The following SBF2 variants were observed in gnomAD, a reference collection of about 807,000 sequenced individuals.
SBF2 encodes myotubularin-related protein 13.
SBF2 carries 112 observed loss-of-function variants against 225.2 expected under a neutral mutation model. That is an observed-to-expected ratio of 0.50 (90% CI 0.43 to 0.58). The LOEUF (loss-of-function observed/expected upper bound fraction) is 0.58, where lower values mean the gene tolerates loss of function less well. SBF2 is among the 20% of genes least tolerant of loss of function. The pLI is 0.00. For missense variants in SBF2, 1,996 were observed against 2,206.2 expected, an observed-to-expected ratio of 0.90 and a Z score of 1.91; for synonymous variants, 763 against 773.3, an observed-to-expected ratio of 0.99 and a Z score of 0.22.
intron 1 of SBF2, among the ~76,000 whole-genome samples, chr11:10,206,544 TGG>T (rs1957757342): frequency 6.6e-6 from 1 of 151,966 alleles, no homozygotes; most frequent in African/African-American, 2.4e-5. Flanking sequence ...ATGAATCAGA[TGG>T]AAGAATTATC....
intron 1 of SBF2, among the ~76,000 whole-genome samples, chr11:10,195,686 A>G (rs529479037): frequency 6.6e-6 from 1 of 152,322 alleles, no homozygotes; most frequent in Non-Finnish European, 1.5e-5. Context: ...TATGTTTAAA[A>G]TATAAATGGA....
In SBF2 at chr11:10,236,523, G is replaced by A. The variant is rs1170910040; in HGVS notation, c.56-42536C>T. 2.6e-5 allele frequency among the ~76,000 whole-genome samples: 4 copies of A among 152,064 alleles called. No individual in the cohort carries two copies. The South Asian group carries it at 6.2e-4, about 24-fold the overall frequency. ...TACCCAGGCTGGAGTGCAGTGGCGCGATCTCAGCTCGCTGCAACCTCCGCC... is the reference window on the plus strand; with the variant it reads ...TACCCAGGCTGGAGTGCAGTGGCGCAATCTCAGCTCGCTGCAACCTCCGCC... On this transcript the variant is annotated intron_variant, in intron 1 of 39. Coordinates refer to ENST00000256190, the MANE Select transcript of SBF2 (RefSeq NM_030962.4).
At chr11:10,047,518 GGCA>G (rs1427330792) in intron 2 of SBF2, among the ~76,000 whole-genome samples, 1 of 152,124 alleles carries the variant, frequency 6.6e-6, no homozygotes, top group Non-Finnish European at 1.5e-5. Context: ...AGAAGCCCCT[GGCA>G]TATAATCCAG....
rs11324232 is a variant in SBF2 at position 10,001,467 on chromosome 11, A to AG, written c.753-446dup. On this transcript the variant is annotated intron_variant, in intron 7 of 39. Coordinates refer to ENST00000256190, the MANE Select transcript of SBF2 (RefSeq NM_030962.4). Reference sequence around the variant, plus strand: ...GCATTCAATAAGAATGGCAAAAAAAAGGGGGGGGCCAATAATTACCTTATC... The same window carrying AG: ...GCATTCAATAAGAATGGCAAAAAAAAGGGGGGGGGCCAATAATTACCTTATC... Among the ~76,000 whole-genome samples the AG allele has an allele frequency of 4.9e-3, 746 of 151,474 alleles. 4 individuals are homozygous for AG. The highest frequency in any genetic ancestry group is 0.027 in the Middle Eastern group (8 of 292).
At chr11:10,253,542 C>T (rs1201098220) in intron 1 of SBF2, among the ~76,000 whole-genome samples, 2 of 152,246 alleles carry the variant, frequency 1.3e-5, no homozygotes, top group East Asian at 3.9e-4. Context: ...GGCAAAGAAT[C>T]TCTAAATCAC....
chr11:9,910,890 CAAAAA>C lies in SBF2; in HGVS notation c.1861-14884_1861-14880del, dbSNP rs68011518. Among the ~76,000 whole-genome samples, 3 of 93,596 alleles carry C rather than the reference CAAAAA, an allele frequency of 3.2e-5. 1 individual carries two copies. The highest frequency in any genetic ancestry group is 1.3e-4 in the African/African-American group (3 of 22,964). 61.4% of individuals were successfully genotyped at this position (93,596 alleles called of 152,430 possible). On this transcript the variant is annotated intron_variant, in intron 16 of 39. Transcript: ENST00000256190. ...GTGAAAACTTGTCTCTACTAAAATACAAAAAAAAAAAAAAAAAAATTAGCTGGGCA... is the reference window on the plus strand; with the variant it reads ...GTGAAAACTTGTCTCTACTAAAATACAAAAAAAAAAAAAATTAGCTGGGCA...
intron 18 of SBF2, among the ~76,000 whole-genome samples, chr11:9,857,254 T>C (rs1379383438): frequency 6.6e-6 from 1 of 152,212 alleles, no homozygotes; most frequent in Non-Finnish European, 1.5e-5. Context: ...GCAAAGCACC[T>C]TATAGCTTGT....
chr11:9,797,634 A>T (rs1853206329), intron 32 of SBF2, among the ~76,000 whole-genome samples: 1 of 152,246 alleles, frequency 6.6e-6, no homozygotes. Context: ...TGAAGGGATA[A>T]GAAATCATGG....
chr11:10,028,834 T>A (rs1949145040), intron 5 of SBF2, among the ~76,000 whole-genome samples: 1 of 151,994 alleles, frequency 6.6e-6, no homozygotes, highest in East Asian at 1.9e-4. Context: ...AATGTTAAAG[T>A]CAACAACTTT....
intron 17 of SBF2, among the ~76,000 whole-genome samples, chr11:9,861,218 T>C (rs1333019301): frequency 6.6e-6 from 1 of 152,156 alleles, no homozygotes; most frequent in Non-Finnish European, 1.5e-5. Flanking sequence ...CTTTCTTCTT[T>C]TTGGAGACAG....
intron 22 of SBF2, among the ~76,000 whole-genome samples, chr11:9,849,398 A>G (rs565545016): frequency 1.3e-5 from 2 of 152,348 alleles, no homozygotes; most frequent in South Asian, 2.1e-4. Flanking sequence ...AGCATTTTAC[A>G]TATAGACTAT....
intron 2 of SBF2, among the ~76,000 whole-genome samples, chr11:10,126,622 T>C (rs1052607361): frequency 1.3e-5 from 2 of 152,084 alleles, no homozygotes; most frequent in African/African-American, 2.4e-5. Context: ...TTATATTTAG[T>C]AAATAAATAC....
intron 34 of SBF2, 52 bp from the exon 35 acceptor site, chr11:9,789,394 GC>G (rs756387265): frequency 1.4e-6 from 2 of 1,396,118 alleles, no homozygotes; most frequent in Non-Finnish European, 2.0e-6. Context: ...AGTACCCCAA[GC>G]TCACTGTCAG....
At position 9,855,254 on chromosome 11, in the gene SBF2, T is replaced by C. The variant is rs182019129; in HGVS notation, c.2363+1204A>G. Among the ~76,000 whole-genome samples, 56 of 152,268 alleles carry C rather than the reference T, an allele frequency of 3.7e-4. 1 individual carries two copies. Among genetic ancestry groups the C allele is most frequent in the African/African-American group, 1.2e-3 (50 of 41,548 alleles). On this transcript the variant is annotated intron_variant, in intron 19 of 39. Transcript: ENST00000256190. ...TAAGAGATCTGTGCAGTTGACTGTATGGTGTGAAATGCTGATTCCAAGTTG... is the reference window on the plus strand; with the variant it reads ...TAAGAGATCTGTGCAGTTGACTGTACGGTGTGAAATGCTGATTCCAAGTTG...
At chr11:9,999,134 G>A (rs189680666) in intron 8 of SBF2, among the ~76,000 whole-genome samples, 31 of 152,232 alleles carry the variant, frequency 2.0e-4, no homozygotes, top group Non-Finnish European at 3.5e-4. Context: ...GATGAGTGAA[G>A]TTGTTATATT....
chr11:10,085,321 T>C (rs560645527), intron 2 of SBF2, among the ~76,000 whole-genome samples: 17 of 152,310 alleles, frequency 1.1e-4, no homozygotes, highest in Middle Eastern at 3.4e-3. Context: ...CTACCTTATA[T>C]GTCTTTTAGC....
intron 1 of SBF2, among the ~76,000 whole-genome samples, chr11:10,248,848 G>A (rs1419330800): frequency 1.3e-5 from 2 of 152,150 alleles, no homozygotes; most frequent in African/African-American, 4.8e-5. Flanking sequence ...GTAATCCTAG[G>A]GCTTTGGGAG....
intron 9 of SBF2, among the ~76,000 whole-genome samples, 167 bp from the exon 10 acceptor site, chr11:9,994,165 A>G (rs907809642): frequency 4.6e-5 from 7 of 152,192 alleles, no homozygotes; most frequent in Non-Finnish European, 1.0e-4. Flanking sequence ...AAGATCTCCA[A>G]GACAAAATAT....
At position 9,903,643 on chromosome 11, in the gene SBF2, G is replaced by A. The variant is rs139760832; in HGVS notation, c.1861-7632C>T. 5.3e-5 allele frequency among the ~76,000 whole-genome samples: 8 copies of A among 152,278 alleles called. No homozygotes were observed. In the East Asian group the frequency reaches 5.8e-4, roughly 11 times the overall value. On this transcript the variant is annotated intron_variant, in intron 16 of 39. Transcript: ENST00000256190. ...AATAATGCTTGGAAGAGACCCAAGCGGGCACGTGAAGGTCAAGTGCCATTT... is the reference window on the plus strand; with the variant it reads ...AATAATGCTTGGAAGAGACCCAAGCAGGCACGTGAAGGTCAAGTGCCATTT...
Sources: gnomAD v4.1 joint callset for allele counts (sites outside exome capture counted in the v4.1 genomes callset) on GRCh38, gnomAD v4.1.1 for gene constraint, MANE v1.5 for transcripts, NCBI Gene and HGNC (gene_info 2026-07-23, HGNC 2026-07-21) for gene names.